RBM25: variants seen among roughly 807,000 people sequenced by gnomAD.
RBM25 encodes RNA binding motif protein 25, also known as RNA-binding protein 25.
Under a neutral mutation model 120.7 loss-of-function variants are expected in RBM25, and 19 were observed. The observed-to-expected ratio is 0.16, with a 90% CI of 0.11 to 0.23. The LOEUF is 0.23. Ranked by LOEUF, RBM25 falls within the 10% of genes least tolerant of loss-of-function variation. The pLI is 1.00. For synonymous variants in RBM25, 390 were observed against 326.7 expected (o/e 1.19, Z -2.09); for missense variants, 605 against 1,041.5 (o/e 0.58, Z 5.77).
At chr14:73,068,589 G>C in intron 1 of RBM25, 1 of 537,202 alleles carries the variant, frequency 1.9e-6, no homozygotes, top group South Asian at 1.5e-5. Flanking sequence ...CGGTAGATCT[G>C]ACCATGGCTC....
intron 6 of RBM25, among the ~76,000 whole-genome samples, chr14:73,090,871 C>T (rs760668690): frequency 1.3e-5 from 2 of 152,188 alleles, no homozygotes; most frequent in African/African-American, 2.4e-5. Flanking sequence ...ACTATCCTCA[C>T]CCTGCTTCAT....
In RBM25 at chr14:73,058,545, A is replaced by G. The variant is rs897875095; in HGVS notation, c.-176A>G. 2.6e-5 allele frequency: 4 copies of G among 152,158 alleles called. No individual in the cohort carries two copies. Among genetic ancestry groups the G allele is most frequent in the African/African-American group, 9.7e-5 (4 of 41,434 alleles). The allele number at this position is 152,158 out of a possible 1,614,324, so 9.4% of individuals were successfully genotyped here. ...GCCGGGCAAGAGGAAGACCTCCATCAGCTCGCCGCGCAGCGCGGCTGTATT... is the reference window on the plus strand; with the variant it reads ...GCCGGGCAAGAGGAAGACCTCCATCGGCTCGCCGCGCAGCGCGGCTGTATT... On this transcript the variant is annotated 5_prime_UTR_variant, in exon 1 of 19. Coordinates refer to ENST00000261973, the MANE Select transcript of RBM25 (RefSeq NM_021239.3).
chr14:73,092,023 C>T (rs376652297), intron 6 of RBM25, among the ~76,000 whole-genome samples: 4 of 151,952 alleles, frequency 2.6e-5, no homozygotes, highest in African/African-American at 9.7e-5. Context: ...GCTTCTTGCC[C>T]GGTGGTACTT....
At position 73,088,026 on chromosome 14, in the gene RBM25, G is replaced by A. The variant is rs764307850; in HGVS notation, c.408G>A (p.Glu136=). ...LQAFGFCEYK[E]PESTLRALRL... is the part of the protein sequence containing the mutation. The stretch of plus-strand genomic sequence containing the variant: ...CCTTCGGATTCTGTGAGTACAAGGA[G>A]CCAGAATCTACCCTCCGTGCACTCA... The change falls in exon 6 of 19, where the codon GAG becomes GAA. Residue 136 remains glutamate, a synonymous_variant. Transcript: ENST00000261973. 2.5e-6 allele frequency: 4 copies of A among 1,613,966 alleles called. No individual in the cohort carries two copies. Among genetic ancestry groups the A allele is most frequent in the African/African-American group, 1.3e-5 (1 of 74,906 alleles).
chr14:73,099,624 G>A, intron 8 of RBM25, 43 bp from the exon 9 acceptor site: 1 of 1,588,918 alleles, frequency 6.3e-7, no homozygotes, highest in Non-Finnish European at 8.5e-7. Context: ...TATTGAAGTA[G>A]GGTGTTCTTT....
At chr14:73,068,110 G>T in intron 1 of RBM25, 2 of 721,906 alleles carry the variant, frequency 2.8e-6, no homozygotes, top group Non-Finnish European at 4.7e-6. Context: ...ACTTTACCTC[G>T]TTCACAGACA....
chr14:73,106,164 T>G (rs1012516517), intron 11 of RBM25, 32 bp from the exon 12 acceptor site: 8 of 1,576,864 alleles, frequency 5.1e-6, no homozygotes, highest in Non-Finnish European at 6.9e-6. Flanking sequence ...TATGTATAAA[T>G]TTTTAAAGCT....
intron 10 of RBM25, among the ~76,000 whole-genome samples, chr14:73,104,449 A>G (rs1896137166): frequency 2.0e-5 from 3 of 151,462 alleles, no homozygotes; most frequent in Admixed American, 2.0e-4. Context: ...GCTCATTGCA[A>G]CCTTTGCCTC....
chr14:73,096,997 G>A lies in RBM25; in HGVS notation c.626G>A (p.Gly209Glu). 1 of 1,613,712 alleles carries A rather than the reference G, an allele frequency of 6.2e-7. No individual in the cohort carries two copies. Among genetic ancestry groups the A allele is most frequent in the Non-Finnish European group, 8.5e-7 (1 of 1,179,882 alleles). ...AAGAGGAGAGATCAGATGATTAAAGGGGCTATTGAAGTTTTAATTCGTGAA... is the reference window on the plus strand; with the variant it reads ...AAGAGGAGAGATCAGATGATTAAAGAGGCTATTGAAGTTTTAATTCGTGAA... ...ETKRRDQMIK[G>E]AIEVLIREYS... Residue 209 changes from glycine to glutamate, a missense_variant, in exon 7 of 19, where the codon GGG becomes GAG. This residue lies in a region of RBM25 where 465 missense variants were observed against 741.6 expected (regional missense o/e 0.63). Coordinates refer to ENST00000261973, the MANE Select transcript of RBM25 (RefSeq NM_021239.3).
chr14:73,099,954 T>A, intron 9 of RBM25: 1 of 713,916 alleles, frequency 1.4e-6, no homozygotes, highest in East Asian at 3.3e-5. Context: ...TTTTTTCAGT[T>A]ACTGACTATT....
intron 2 of RBM25, among the ~76,000 whole-genome samples, chr14:73,075,235 C>CAA (rs1895388959): frequency 6.6e-6 from 1 of 150,464 alleles, no homozygotes; most frequent in South Asian, 2.1e-4. Context: ...GATCTCGGCT[C>CAA]ACTGCAACCT....
intron 18 of RBM25, 48 bp from the exon 19 acceptor site, chr14:73,119,664 GT>G (rs1896506187): frequency 1.1e-5 from 18 of 1,604,504 alleles, no homozygotes; most frequent in Non-Finnish European, 1.5e-5. Flanking sequence ...TTTGGCAGAT[GT>G]TGATGATTGC....
In RBM25 at chr14:73,119,552, A is replaced by T. The variant is rs567073060; in HGVS notation, c.2440-161A>T. Among the ~76,000 whole-genome samples, 6 of 152,364 alleles carry T rather than the reference A, an allele frequency of 3.9e-5. No homozygotes were observed. In the South Asian group the frequency reaches 1.2e-3, roughly 32 times the overall value. Reference sequence around the variant, plus strand: ...AATGCTGGGATTACAGGCGTGAGCCACCACACCCGGCCACTAAAACAACCT... The same window carrying T: ...AATGCTGGGATTACAGGCGTGAGCCTCCACACCCGGCCACTAAAACAACCT... On this transcript the variant is annotated intron_variant, in intron 18 of 18. Transcript: ENST00000261973.
intron 14 of RBM25, among the ~76,000 whole-genome samples, chr14:73,110,532 G>T (rs992082391): frequency 6.6e-6 from 1 of 151,436 alleles, no homozygotes; most frequent in Non-Finnish European, 1.5e-5. Context: ...AGGTTCAAGC[G>T]ATTCTCCTGC....
chr14:73,100,330 ACT>A lies in RBM25; in HGVS notation c.867+584_867+585del, dbSNP rs777755062. ...CATATGGTGACTAATGCAAGATGAAACTCTCAGCTTGGAAAGTAACAAGGAAT... is the reference window on the plus strand; with the variant it reads ...CATATGGTGACTAATGCAAGATGAAACTCAGCTTGGAAAGTAACAAGGAAT... On this transcript the variant is annotated intron_variant, in intron 9 of 18. Transcript: ENST00000261973. The A allele has an allele frequency of 9.1e-5, 63 of 688,872 alleles. No homozygotes were observed. The East Asian group carries it at 1.0e-3, about 11-fold the overall frequency. The allele number at this position is 688,872 out of a possible 1,614,324, so 42.7% of individuals were successfully genotyped here. A position where few individuals can be genotyped will look rare whatever the true frequency, so the allele number is the denominator to read the frequency against.
In RBM25 at chr14:73,064,261, C is replaced by CA. The variant is rs763571650; in HGVS notation, c.-16+5558dup. Among the ~76,000 whole-genome samples, 54 of 151,640 alleles carry CA rather than the reference C, an allele frequency of 3.6e-4. 2 individuals carry two copies. The highest frequency in any genetic ancestry group is 1.2e-3 in the South Asian group (6 of 4,822). On this transcript the variant is annotated intron_variant, in intron 1 of 18. Coordinates refer to ENST00000261973, the MANE Select transcript of RBM25 (RefSeq NM_021239.3). ...GCTTATGATTATGAAAGTTAATTCT[C>CA]AATCAGTTTCACATGGCAAAACACA...
At chr14:73,103,796 C>T (rs898330045) in intron 10 of RBM25, among the ~76,000 whole-genome samples, 6 of 151,952 alleles carry the variant, frequency 3.9e-5, no homozygotes, top group Non-Finnish European at 7.4e-5. Flanking sequence ...TCAAGTGATC[C>T]GCCTGCCTCA....
At position 73,080,545 on chromosome 14, in the gene RBM25, A is replaced by G. The variant is rs147693576; in HGVS notation, c.325-2949A>G. 4.1e-3 allele frequency among the ~76,000 whole-genome samples: 623 copies of G among 151,852 alleles called. 1 individual carries two copies. Among genetic ancestry groups the G allele is most frequent in the African/African-American group, 0.015 (602 of 41,436 alleles). ...GCCCTCTTACACATCTTTTTTAACAATTGGTGTTTATTTAGAATTTTACAT... is the reference window on the plus strand; with the variant it reads ...GCCCTCTTACACATCTTTTTTAACAGTTGGTGTTTATTTAGAATTTTACAT... On this transcript the variant is annotated intron_variant, in intron 4 of 18. Transcript: ENST00000261973.
At chr14:73,109,237 T>C in intron 13 of RBM25, 105 bp from the exon 14 acceptor site, 2 of 1,219,978 alleles carry the variant, frequency 1.6e-6, no homozygotes, top group Non-Finnish European at 2.3e-6. Context: ...TTTAACCTCT[T>C]AGCATGCAGG....
Sources: allele counts gnomAD v4.1 joint callset (sites outside exome capture counted in the v4.1 genomes callset), GRCh38; gene constraint gnomAD v4.1.1; regional missense constraint gnomAD v4.1.1; transcripts MANE v1.5; gene names NCBI Gene and HGNC (gene_info 2026-07-23, HGNC 2026-07-21).